The following MYRFL variants were observed in gnomAD, a reference collection of about 807,000 sequenced individuals.
MYRFL encodes myelin regulatory factor-like protein.
In MYRFL, 88 loss-of-function variants were observed where a neutral mutation model predicts 109.4. The ratio of observed to expected loss-of-function variants is 0.80; its 90% CI spans 0.68 to 0.96. MYRFL has a LOEUF of 0.96. Among genes scored for constraint, MYRFL ranks in the 40% least tolerant of loss-of-function variants. MYRFL has a pLI of 0.00. For missense variants in MYRFL, 957 were observed against 954.9 expected (o/e 1.00, Z -0.03); for synonymous variants, 324 against 320.9 (o/e 1.01, Z -0.10).
intron 2 of MYRFL, 120 bp from the exon 3 acceptor site, chr12:69,878,908 A>T (rs1592744112): frequency 7.5e-6 from 5 of 670,816 alleles, no homozygotes; most frequent in South Asian, 6.6e-5. Context: ...TCACCCCCCC[A>T]TGCCCAGCAC....
At chr12:69,833,373 T>G (rs1882750269) in intron 1 of MYRFL, among the ~76,000 whole-genome samples, 1 of 152,110 alleles carries the variant, frequency 6.6e-6, no homozygotes, top group Non-Finnish European at 1.5e-5. Flanking sequence ...GCCTATAGAA[T>G]CTGGGGAAAA....
At chr12:69,913,887 G>T (rs1478217641) in intron 13 of MYRFL, among the ~76,000 whole-genome samples, 1 of 152,138 alleles carries the variant, frequency 6.6e-6, no homozygotes, top group Non-Finnish European at 1.5e-5. Context: ...ATCACTTTGG[G>T]TAGTGTTGAC....
At chr12:69,889,061 A>G (rs903955361) in intron 6 of MYRFL, among the ~76,000 whole-genome samples, 5 of 152,052 alleles carry the variant, frequency 3.3e-5, no homozygotes, top group Non-Finnish European at 5.9e-5. Context: ...GAGACCCATT[A>G]ATTTTTTCTG....
At chr12:69,886,728 C>A in intron 5 of MYRFL, 92 bp from the exon 6 acceptor site, 1 of 1,433,654 alleles carries the variant, frequency 7.0e-7, no homozygotes, top group Non-Finnish European at 9.4e-7. Flanking sequence ...CTCTGCCTTA[C>A]ACATGGCCCA....
chr12:69,897,588 GT>G lies in MYRFL; in HGVS notation c.1182+347del, dbSNP rs1954038329. ...GTGGTGTTGAGGTTGAGAGACTCTG[GT>G]TTTTACTCTATGTTCTAGGCACTGA... On this transcript the variant is annotated intron_variant, in intron 10 of 24. Coordinates refer to ENST00000552032, the MANE Select transcript of MYRFL (RefSeq NM_182530.3). 1.3e-5 allele frequency among the ~76,000 whole-genome samples: 2 copies of G among 152,126 alleles called. 1 individual carries two copies. Among genetic ancestry groups the G allele is most frequent in the Non-Finnish European group, 2.9e-5 (2 of 68,016 alleles).
chr12:69,891,637 T>TTTCCTTTCTTTCTTTCTTTCTTTC (rs1566002318), intron 7 of MYRFL, among the ~76,000 whole-genome samples: 1 of 53,788 alleles, frequency 1.9e-5, no homozygotes, highest in Non-Finnish European at 4.1e-5. Flanking sequence ...CTTCCTTTCT[T>TTTCCTTTCTTTCTTTCTTTCTTTC]TTTCTTTCTT....
At chr12:69,883,478 A>G in intron 5 of MYRFL, among the ~76,000 whole-genome samples, 1 of 152,166 alleles carries the variant, frequency 6.6e-6, no homozygotes. Context: ...GTATATTTAT[A>G]CAATGGAGTA....
At chr12:69,839,801 A>G (rs1393452931) in intron 1 of MYRFL, among the ~76,000 whole-genome samples, 1 of 152,208 alleles carries the variant, frequency 6.6e-6, no homozygotes, top group Non-Finnish European at 1.5e-5. Flanking sequence ...TGTCTCTCAA[A>G]TGGCTTAGCT....
intron 1 of MYRFL, among the ~76,000 whole-genome samples, chr12:69,835,548 A>T (rs564166708): frequency 7.9e-5 from 12 of 152,342 alleles, no homozygotes; most frequent in African/African-American, 2.6e-4. Flanking sequence ...AGCAGATTAG[A>T]CATCTTTGGA....
At chr12:69,904,686 A>G (rs1277651619) in intron 11 of MYRFL, among the ~76,000 whole-genome samples, 1 of 152,238 alleles carries the variant, frequency 6.6e-6, no homozygotes, top group Non-Finnish European at 1.5e-5. Context: ...TCAGCCAGCT[A>G]CTAACACCTC....
intron 1 of MYRFL, among the ~76,000 whole-genome samples, chr12:69,851,685 G>T (rs143710943): frequency 6.6e-6 from 1 of 152,268 alleles, no homozygotes; most frequent in Non-Finnish European, 1.5e-5. Context: ...TTGAGACAAG[G>T]TCTAGCTTTG....
chr12:69,838,617 T>C (rs570356134), intron 1 of MYRFL, among the ~76,000 whole-genome samples: 5 of 152,340 alleles, frequency 3.3e-5, no homozygotes, highest in African/African-American at 1.2e-4. Flanking sequence ...GTTTTATTTA[T>C]TCTTCTGTAT....
At chr12:69,946,895 A>C (rs1032662278) in intron 19 of MYRFL, 1 of 152,208 alleles carries the variant, frequency 6.6e-6, no homozygotes, top group Non-Finnish European at 1.5e-5. Context: ...TGGGCTGTGC[A>C]TGTACCTGAG....
intron 13 of MYRFL, among the ~76,000 whole-genome samples, chr12:69,918,302 A>T (rs948248424): frequency 2.0e-5 from 3 of 152,186 alleles, no homozygotes; most frequent in Admixed American, 6.5e-5. Context: ...AACAAAAAGA[A>T]CCAAAGAACC....
rs1885867508 is a variant in MYRFL at position 69,878,937 on chromosome 12, G to C, written c.138-91G>C. On this transcript the variant is annotated intron_variant, in intron 2 of 24. Coordinates refer to ENST00000552032, the MANE Select transcript of MYRFL (RefSeq NM_182530.3). ...CCAGCACCTGGAACCATCACTGTGG[G>C]GGCTGTACACTGAGGGTTGTCTCCC... is the stretch of plus-strand genomic sequence containing the variant. 4 of 698,502 alleles carry C rather than the reference G, an allele frequency of 5.7e-6. No individual in the cohort carries two copies. In the East Asian group the frequency reaches 1.1e-4, roughly 19 times the overall value. The allele number at this position is 698,502 out of a possible 1,614,324, so 43.3% of individuals were successfully genotyped here.
At chr12:69,865,853 A>C (rs1043926078) in intron 2 of MYRFL, among the ~76,000 whole-genome samples, 1 of 152,194 alleles carries the variant, frequency 6.6e-6, no homozygotes, top group Non-Finnish European at 1.5e-5. Flanking sequence ...CTTGCAGGTG[A>C]AGTAGAAGAG....
At chr12:69,913,184 T>C (rs1954626361) in intron 13 of MYRFL, among the ~76,000 whole-genome samples, 1 of 152,216 alleles carries the variant, frequency 6.6e-6, no homozygotes, top group African/African-American at 2.4e-5. Context: ...TCAGGAATTC[T>C]CTATATATTC....
intron 13 of MYRFL, among the ~76,000 whole-genome samples, chr12:69,925,918 T>G (rs1955059422): frequency 6.6e-6 from 1 of 152,206 alleles, no homozygotes; most frequent in African/African-American, 2.4e-5. Flanking sequence ...GAGAGGTTAT[T>G]GCATTTTGTC....
At chr12:69,909,205 A>T (rs1260606685) in intron 11 of MYRFL, among the ~76,000 whole-genome samples, 2 of 152,194 alleles carry the variant, frequency 1.3e-5, no homozygotes, top group African/African-American at 2.4e-5. Flanking sequence ...TCCTGAAATA[A>T]AGCTAATCCG....
Sources: gnomAD v4.1 joint callset for allele counts (sites outside exome capture counted in the v4.1 genomes callset) on GRCh38, gnomAD v4.1.1 for gene constraint, MANE v1.5 for transcripts, NCBI Gene and HGNC (gene_info 2026-07-23, HGNC 2026-07-21) for gene names.